The following PRPF6 variants were observed in gnomAD, a reference collection of about 807,000 sequenced individuals.
The protein encoded by PRPF6 is pre-mRNA processing factor 6.
Under a neutral mutation model 118.3 loss-of-function variants are expected in PRPF6, and 42 were observed. The ratio of observed to expected loss-of-function variants is 0.35; its 90% confidence interval spans 0.28 to 0.46. The LOEUF is 0.46. PRPF6 is among the 20% of genes least tolerant of loss of function. The pLI, the probability that PRPF6 is intolerant of heterozygous loss-of-function variation, is 1.00. For missense variants in PRPF6, 662 were observed against 1,255.7 expected (o/e 0.53, Z 7.15); for synonymous variants, 481 against 485.1 (o/e 0.99, Z 0.11).
intron 3 of PRPF6, among the ~76,000 whole-genome samples, chr20:63,989,357 C>T (rs1368198508): frequency 6.6e-6 from 1 of 152,064 alleles, no homozygotes; most frequent in Admixed American, 6.6e-5. Flanking sequence ...AGGCAACGAA[C>T]GGAAGCCAGG....
intron 1 of PRPF6, among the ~76,000 whole-genome samples, chr20:63,982,591 T>C (rs2059075735): frequency 6.6e-6 from 1 of 152,126 alleles, no homozygotes; most frequent in Admixed American, 6.5e-5. Context: ...GGAGTCATAG[T>C]CTGGGAAGGA....
intron 10 of PRPF6, among the ~76,000 whole-genome samples, chr20:64,010,977 C>T (rs993209795): frequency 3.3e-5 from 5 of 152,208 alleles, no homozygotes; most frequent in African/African-American, 1.2e-4. Flanking sequence ...GCAGTAGCCT[C>T]ATCCTGCTCG....
chr20:64,003,421 T>C (rs1440958817), intron 9 of PRPF6, among the ~76,000 whole-genome samples: 1 of 152,166 alleles, frequency 6.6e-6, no homozygotes, highest in Non-Finnish European at 1.5e-5. Flanking sequence ...AAGCCCCTTA[T>C]CAAATATAGT....
chr20:63,997,999 T>C (rs905356944), intron 6 of PRPF6, among the ~76,000 whole-genome samples: 1 of 152,258 alleles, frequency 6.6e-6, no homozygotes, highest in African/African-American at 2.4e-5. Context: ...TGGACCACTT[T>C]CACCTTTTGA....
intron 13 of PRPF6, 94 bp from the exon 14 acceptor site, chr20:64,024,461 A>T: frequency 6.6e-7 from 1 of 1,510,828 alleles, no homozygotes; most frequent in Non-Finnish European, 9.2e-7. Context: ...TGGAGCAGTA[A>T]CTGTCTTTCT....
chr20:64,017,004 G>A (rs947105661), intron 12 of PRPF6, among the ~76,000 whole-genome samples, 159 bp downstream of exon 12: 1 of 151,590 alleles, frequency 6.6e-6, no homozygotes, highest in African/African-American at 2.4e-5. Context: ...GTGCAGTGGC[G>A]CTATCTCAGC....
At chr20:64,019,250 G>C (rs1439081607) in intron 12 of PRPF6, among the ~76,000 whole-genome samples, 2 of 151,794 alleles carry the variant, frequency 1.3e-5, no homozygotes, top group Non-Finnish European at 2.9e-5. Flanking sequence ...GGGACTACAG[G>C]TGCCTGCCAC....
chr20:63,995,592 TCCTCCTCCTTCTTCTCCTTCTCC>T, intron 6 of PRPF6, 110 bp downstream of exon 6: 8 of 1,166,624 alleles, frequency 6.9e-6, no homozygotes, highest in Middle Eastern at 2.7e-4. Flanking sequence ...CTCCTTCTCC[TCCTCCTCCTTCTTCTCCTTCTCC>T]TTTTTTTTTT....
intron 9 of PRPF6, 43 bp downstream of exon 9, chr20:64,001,282 C>T (rs1160959040): frequency 6.2e-7 from 1 of 1,608,764 alleles, no homozygotes; most frequent in East Asian, 2.2e-5. Flanking sequence ...TCCTTGGGGC[C>T]CCTCCTCTCA....
intron 1 of PRPF6, among the ~76,000 whole-genome samples, chr20:63,981,974 C>T (rs2059071153): frequency 6.6e-6 from 1 of 151,428 alleles, no homozygotes; most frequent in Non-Finnish European, 1.5e-5. Context: ...GAAACGGTGA[C>T]GATAGAAGAG....
intron 3 of PRPF6, 47 bp from the exon 4 acceptor site, chr20:63,993,360 A>G: frequency 6.8e-7 from 1 of 1,474,028 alleles, no homozygotes; most frequent in Non-Finnish European, 9.5e-7. Context: ...AATTTGCTTC[A>G]GAACAGACAT....
rs370784418 is a variant in PRPF6, at chr20:64,024,662, C to A, written c.1877C>A (p.Ala626Glu). Residue 626 changes from alanine (A) to glutamate (E), a missense_variant, in exon 14 of 21, where the codon GCA (alanine) becomes GAA (glutamate). Ala to Glu is a moderately radical substitution (Grantham distance 107). This residue lies in a region of PRPF6 where 15 missense variants were observed against 66.5 expected (regional missense o/e 0.23). Coordinates refer to ENST00000266079, the MANE Select transcript of PRPF6 (RefSeq NM_012469.4). ...KSKWLAGDVP[A>E]ARSILALAFQ... Reference sequence around the variant, plus strand: ...AAGTGGCTGGCAGGGGATGTGCCTGCAGCAAGGAGCATCCTGGCCCTGGCC... The same window carrying A: ...AAGTGGCTGGCAGGGGATGTGCCTGAAGCAAGGAGCATCCTGGCCCTGGCC... 6.2e-7 allele frequency: 1 copy of A among 1,613,202 alleles called. No individual in the cohort carries two copies. Among genetic ancestry groups the A allele is most frequent in the African/African-American group, 1.3e-5 (1 of 74,930 alleles).
chr20:64,032,689 C>T, intron 20 of PRPF6, 152 bp from the exon 21 acceptor site: 14 of 986,586 alleles, frequency 1.4e-5, no homozygotes, highest in Non-Finnish European at 2.1e-5. Context: ...CTGAAAGAGC[C>T]TTGCCTTCCG....
intron 19 of PRPF6, 43 bp from the exon 20 acceptor site, chr20:64,031,875 C>G: frequency 1.2e-6 from 2 of 1,613,686 alleles, no homozygotes; most frequent in Non-Finnish European, 1.7e-6. Context: ...GAATACCGTC[C>G]TGCAGCCACT....
chr20:63,998,081 T>C (rs2059149113), intron 6 of PRPF6, among the ~76,000 whole-genome samples: 1 of 152,150 alleles, frequency 6.6e-6, no homozygotes, highest in Admixed American at 6.5e-5. Context: ...CTATTCTTTC[T>C]TTTTTAATAA....
chr20:64,002,762 G>A (rs1266764209), intron 9 of PRPF6, among the ~76,000 whole-genome samples: 1 of 151,138 alleles, frequency 6.6e-6, no homozygotes, highest in African/African-American at 2.4e-5. Flanking sequence ...TCTTGCCTCA[G>A]CCTTCTGAGG....
chr20:63,992,523 T>G (rs1403486589), intron 3 of PRPF6, among the ~76,000 whole-genome samples: 1 of 151,842 alleles, frequency 6.6e-6, no homozygotes, highest in Non-Finnish European at 1.5e-5. Context: ...TCCCAAAGCG[T>G]TGGGATTACA....
At chr20:64,024,774 C>T in intron 14 of PRPF6, 81 bp downstream of exon 14, 2 of 1,547,396 alleles carry the variant, frequency 1.3e-6, no homozygotes, top group Non-Finnish European at 1.7e-6. Context: ...TGAAAATCTC[C>T]CACATACAAT....
Position 64,032,740 on chromosome 20 carries a change from T to C in PRPF6, c.2674-101T>C, listed in dbSNP as rs540418881. On this transcript the variant is annotated intron_variant, in intron 20 of 20. Coordinates refer to ENST00000266079, the MANE Select transcript of PRPF6 (RefSeq NM_012469.4). ...CCTCTGGCCCGCCAGTTGGGGTTGG[T>C]GCTGCCAGGGCCAGGTCTGCAGGGG... 3 of 1,469,310 alleles carry C rather than the reference T, an allele frequency of 2.0e-6. No homozygotes were observed. In the East Asian group the frequency reaches 7.4e-5, roughly 36 times the overall value. The allele number at this position is 1,469,310 out of a possible 1,614,324, so 91.0% of individuals were successfully genotyped here. A position where few individuals can be genotyped will look rare whatever the true frequency, so the allele number is the denominator to read the frequency against.
Sources: gnomAD v4.1 joint callset for allele counts (sites outside exome capture counted in the v4.1 genomes callset) on GRCh38, gnomAD v4.1.1 for gene constraint, gnomAD v4.1.1 regional missense constraint, MANE v1.5 for transcripts, NCBI Gene and HGNC (gene_info 2026-07-23, HGNC 2026-07-21) for gene names.